The following SHISA9 variants were observed in gnomAD, a reference collection of about 807,000 sequenced individuals.
SHISA9 encodes the protein shisa family member 9, also known as protein shisa-9.
In SHISA9, 13 loss-of-function variants were observed where a neutral mutation model predicts 38.0. That is an observed-to-expected ratio of 0.34 (90% CI 0.22 to 0.54). The LOEUF (loss-of-function observed/expected upper bound fraction) is 0.54. Ranked by LOEUF, SHISA9 falls within the 20% of genes least tolerant of loss-of-function variation. The probability of loss-of-function intolerance (pLI) is 0.91; values close to 1 mark genes in which losing one functional copy is unlikely to be tolerated. For missense variants in SHISA9, 538 were observed against 575.8 expected (o/e 0.93, Z 0.67); for synonymous variants, 275 against 242.0 (o/e 1.14, Z -1.27).
At chr16:13,073,132 G>T (rs571079621) in intron 2 of SHISA9, among the ~76,000 whole-genome samples, 1 of 152,034 alleles carries the variant, frequency 6.6e-6, no homozygotes, top group Non-Finnish European at 1.5e-5. Flanking sequence ...GGCTCTGAGG[G>T]ATGAAATTGT....
In SHISA9 at chr16:13,043,656, T is replaced by C. The variant is rs564647842; in HGVS notation, c.691+126841T>C. Among the ~76,000 whole-genome samples, 22 of 152,298 alleles carry C rather than the reference T, an allele frequency of 1.4e-4. No homozygotes were observed. In the South Asian group the frequency reaches 4.4e-3, roughly 30 times the overall value. On this transcript the variant is annotated intron_variant, in intron 2 of 4. Transcript: ENST00000558583. Reference sequence around the variant, plus strand: ...ACAGCTTGAACTCACTGTCCTGATATCCTCAGAGCTGCATCCCTCCTTGAT... The same window carrying C: ...ACAGCTTGAACTCACTGTCCTGATACCCTCAGAGCTGCATCCCTCCTTGAT...
At chr16:13,056,546 G>A (rs2073312933) in intron 2 of SHISA9, among the ~76,000 whole-genome samples, 2 of 152,210 alleles carry the variant, frequency 1.3e-5, no homozygotes, top group Non-Finnish European at 2.9e-5. Flanking sequence ...AATAATATCA[G>A]TTATGGGTTG....
chr16:13,500,922 G>T, the SHISA9 span, among the ~76,000 whole-genome samples: 1 of 152,112 alleles, frequency 6.6e-6, no homozygotes, highest in Non-Finnish European at 1.5e-5. Flanking sequence ...CAGGAGGATG[G>T]ATCACCTGTT....
At chr16:13,244,292 C>G (rs185517044), downstream of SHISA9, among the ~76,000 whole-genome samples, 72 of 152,000 alleles carry the variant, frequency 4.7e-4, no homozygotes, top group African/African-American at 1.7e-3. Flanking sequence ...TACAGTTGGC[C>G]CTTGAACAAC....
At chr16:12,915,743 T>C (rs1596527147) in intron 1 of SHISA9, among the ~76,000 whole-genome samples, 1 of 152,222 alleles carries the variant, frequency 6.6e-6, no homozygotes, top group South Asian at 2.1e-4. Flanking sequence ...TTCAGCAATA[T>C]GGCTAACACT....
intron 2 of SHISA9, among the ~76,000 whole-genome samples, chr16:13,198,501 C>T (rs1462430945): frequency 6.6e-6 from 1 of 152,162 alleles, no homozygotes; most frequent in Non-Finnish European, 1.5e-5. Context: ...TAACCTAGAT[C>T]TCATTCATGC....
At chr16:13,226,139 C>A (rs1223377573) in intron 4 of SHISA9, among the ~76,000 whole-genome samples, 1 of 152,204 alleles carries the variant, frequency 6.6e-6, no homozygotes, top group Non-Finnish European at 1.5e-5. Context: ...CTGCACAAAG[C>A]CAAGAGTGGC....
In SHISA9 at chr16:13,238,340, A is replaced by G. The variant is rs921386570; in HGVS notation, c.*2931A>G. 3 of 152,210 alleles carry G rather than the reference A, an allele frequency of 2.0e-5. No homozygotes were observed. Among genetic ancestry groups the G allele is most frequent in the Non-Finnish European group, 4.4e-5 (3 of 68,036 alleles). The allele number at this position is 152,210 out of a possible 1,614,324, so 9.4% of individuals were successfully genotyped here. ...ATCATTGTGCATACACTAGGGGTGC[A>G]TAGCCCACACTTCAGAAAACCCTGG... is the stretch of plus-strand genomic sequence containing the variant. On this transcript the variant is annotated 3_prime_UTR_variant, in exon 5 of 5. Transcript: ENST00000558583.
chr16:13,527,164 T>A, the SHISA9 span, among the ~76,000 whole-genome samples: 243 of 152,296 alleles, frequency 1.6e-3, 1 homozygote, highest in Non-Finnish European at 3.1e-4. Context: ...TTCTAAGGGT[T>A]TTACATGAAA....
chr16:13,242,890 T>G (rs2051445388), downstream of SHISA9, among the ~76,000 whole-genome samples: 1 of 152,184 alleles, frequency 6.6e-6, no homozygotes, highest in African/African-American at 2.4e-5. Flanking sequence ...GATTGAGCAC[T>G]TGCCAGGTAC....
rs920880548 is a variant in SHISA9, at chr16:13,096,794, C to T, written c.692-106600C>T. Among the ~76,000 whole-genome samples, 5 of 152,154 alleles carry T rather than the reference C, an allele frequency of 3.3e-5. 1 individual carries two copies. The highest frequency in any genetic ancestry group is 1.2e-4 in the African/African-American group (5 of 41,428). Reference sequence around the variant, plus strand: ...TTCGTGAACATCTAAAGCTTGTTCTCACCCCAGCCTTTTGGATGTGCTATT... The same window carrying T: ...TTCGTGAACATCTAAAGCTTGTTCTTACCCCAGCCTTTTGGATGTGCTATT... On this transcript the variant is annotated intron_variant, in intron 2 of 4. Transcript: ENST00000558583.
intron 4 of SHISA9, among the ~76,000 whole-genome samples, chr16:13,218,423 G>A (rs991674787): frequency 1.3e-4 from 20 of 152,134 alleles, no homozygotes; most frequent in Non-Finnish European, 2.2e-4. Flanking sequence ...TTTACATACC[G>A]GCGTTCTTCC....
chr16:13,060,984 A>G (rs2073368557), intron 2 of SHISA9, among the ~76,000 whole-genome samples: 1 of 152,080 alleles, frequency 6.6e-6, no homozygotes. Context: ...ACACATTTCC[A>G]TGTCCCCTCC....
At chr16:13,285,462 G>GTTTTTTTTT in the SHISA9 span, among the ~76,000 whole-genome samples, 1 of 95,784 alleles carries the variant, frequency 1.0e-5, no homozygotes, top group African/African-American at 4.2e-5. Flanking sequence ...TTCAGGTGTA[G>GTTTTTTTTT]TTTTTTTTTT....
the SHISA9 span, among the ~76,000 whole-genome samples, chr16:13,544,447 T>TTTC: frequency 4.2e-3 from 603 of 144,226 alleles, 5 homozygotes; most frequent in African/African-American, 0.014. Context: ...TTTTTTTTTT[T>TTTC]CCCCGCTGGA....
chr16:13,256,569 T>G, the SHISA9 span, among the ~76,000 whole-genome samples: 23 of 152,320 alleles, frequency 1.5e-4, no homozygotes, highest in South Asian at 4.1e-3. Flanking sequence ...CGTGAGCCAC[T>G]GCACCTGGCC....
At position 13,238,165 on chromosome 16, in the gene SHISA9, T is replaced by C. The variant is rs939651017; in HGVS notation, c.*2756T>C. ...TTTCTCTCTCTCTCTTAAAATGATA[T>C]CATCAGGTATTAAATAATTGTTAAA... is the stretch of plus-strand genomic sequence containing the variant. On this transcript the variant is annotated 3_prime_UTR_variant, in exon 5 of 5. Transcript: ENST00000558583. The C allele has an allele frequency of 2.6e-5, 4 of 151,556 alleles. No homozygotes were observed. The highest frequency in any genetic ancestry group is 9.8e-5 in the African/African-American group (4 of 40,878). The allele number at this position is 151,556 out of a possible 1,614,324, so 9.4% of individuals were successfully genotyped here.
chr16:13,498,851 C>G, the SHISA9 span, among the ~76,000 whole-genome samples: 1 of 152,164 alleles, frequency 6.6e-6, no homozygotes, highest in African/African-American at 2.4e-5. Context: ...GGGTATTACT[C>G]CTTGGTTGTG....
intron 2 of SHISA9, among the ~76,000 whole-genome samples, chr16:13,080,952 A>G (rs938356090): frequency 6.6e-6 from 1 of 152,176 alleles, no homozygotes; most frequent in Admixed American, 6.5e-5. Context: ...CATGGCCAAG[A>G]GAGAGGTAAT....
Sources: allele counts gnomAD v4.1 joint callset (sites outside exome capture counted in the v4.1 genomes callset), GRCh38; gene constraint gnomAD v4.1.1; transcripts MANE v1.5; gene names NCBI Gene and HGNC (gene_info 2026-07-23, HGNC 2026-07-21).